The following PRKCA variants were observed in gnomAD, a reference collection of about 807,000 sequenced individuals.
The protein encoded by PRKCA is protein kinase C alpha.
In PRKCA, 27 loss-of-function variants were observed where a neutral mutation model predicts 87.0. The ratio of observed to expected loss-of-function variants is 0.31; its 90% CI spans 0.23 to 0.43. The LOEUF is 0.43. Ranked by LOEUF, PRKCA falls within the 20% of genes least tolerant of loss-of-function variation. The pLI is 1.00. For missense variants in PRKCA, 518 were observed against 852.3 expected (o/e 0.61, Z 4.88); for synonymous variants, 329 against 311.1 (o/e 1.06, Z -0.61).
chr17:66,499,915 A>C (rs228874), intron 3 of PRKCA, among the ~76,000 whole-genome samples: 54,197 of 152,054 alleles, frequency 0.36, 10,538 homozygotes, highest in Middle Eastern at 0.49. Context: ...AGTGTCAGAC[A>C]TCTCATGCCG....
intron 2 of PRKCA, among the ~76,000 whole-genome samples, chr17:66,437,731 T>TTTTTTTTTTTTTTGGG (rs55779501): frequency 3.6e-4 from 4 of 11,162 alleles, no homozygotes; most frequent in Non-Finnish European, 4.9e-4. Flanking sequence ...TTTTTTTTTT[T>TTTTTTTTTTTTTTGGG]GAGCGGGGGG....
In PRKCA at chr17:66,521,346, T is replaced by G. The variant is rs190499615; in HGVS notation, c.288+25063T>G. Among the ~76,000 whole-genome samples, 69 of 152,306 alleles carry G rather than the reference T, an allele frequency of 4.5e-4. No individual in the cohort carries two copies. The East Asian group carries it at 0.011, about 24-fold the overall frequency. ...TATAATGACCATAAAAGAGTTCTCA[T>G]TTTTATAGTTTTTAAACATGATTTC... is the stretch of plus-strand genomic sequence containing the variant. On this transcript the variant is annotated intron_variant, in intron 3 of 16. Transcript: ENST00000413366.
chr17:66,541,701 C>T (rs894765274), intron 3 of PRKCA, among the ~76,000 whole-genome samples: 6 of 152,160 alleles, frequency 3.9e-5, no homozygotes, highest in East Asian at 3.8e-4. Context: ...CTTTTTGAGG[C>T]GACAGGTTAT....
chr17:66,663,094 C>T (rs958790184), intron 5 of PRKCA, among the ~76,000 whole-genome samples: 4 of 152,224 alleles, frequency 2.6e-5, no homozygotes, highest in African/African-American at 9.6e-5. Context: ...AATTATGCCT[C>T]ATGCTCAGCC....
At chr17:66,604,877 T>G (rs1970163313) in intron 3 of PRKCA, among the ~76,000 whole-genome samples, 1 of 151,928 alleles carries the variant, frequency 6.6e-6, no homozygotes, top group African/African-American at 2.4e-5. Context: ...GGGGGTGCGT[T>G]GCCTGTGATA....
At chr17:66,639,854 G>T (rs1465198239) in intron 3 of PRKCA, among the ~76,000 whole-genome samples, 2 of 152,044 alleles carry the variant, frequency 1.3e-5, no homozygotes, top group Admixed American at 6.5e-5. Context: ...AAAAAATTAG[G>T]TGTGGTGGCA....
chr17:66,724,656 G>A (rs1973698685), intron 8 of PRKCA, among the ~76,000 whole-genome samples: 1 of 152,240 alleles, frequency 6.6e-6, no homozygotes, highest in South Asian at 2.1e-4. Flanking sequence ...CAGGCCCCCA[G>A]CAGGGCGTCT....
chr17:66,365,950 GTC>G (rs1035126700), intron 2 of PRKCA, among the ~76,000 whole-genome samples: 6 of 152,288 alleles, frequency 3.9e-5, no homozygotes, highest in African/African-American at 1.2e-4. Context: ...GGCAACTGTT[GTC>G]TCTCCTGAGT....
At chr17:66,411,854 G>GGGCT (rs1555600330) in intron 2 of PRKCA, among the ~76,000 whole-genome samples, 13 of 143,430 alleles carry the variant, frequency 9.1e-5, no homozygotes, top group Admixed American at 1.4e-4. Flanking sequence ...TCTGAGCAAT[G>GGGCT]GGCCGCCTAC....
chr17:66,711,702 C>T (rs533678904), intron 8 of PRKCA, among the ~76,000 whole-genome samples: 4 of 152,088 alleles, frequency 2.6e-5, no homozygotes, highest in African/African-American at 4.8e-5. Context: ...CTCAAATGCT[C>T]GGGTGGAGGA....
intron 2 of PRKCA, among the ~76,000 whole-genome samples, chr17:66,418,514 C>T: frequency 6.6e-6 from 1 of 151,588 alleles, no homozygotes; most frequent in East Asian, 1.9e-4. Flanking sequence ...CAGCTCACTG[C>T]AACCTCTGCC....
intron 3 of PRKCA, among the ~76,000 whole-genome samples, chr17:66,577,370 G>A (rs1157277592): frequency 6.6e-6 from 1 of 152,114 alleles, no homozygotes; most frequent in Non-Finnish European, 1.5e-5. Context: ...TGAGAGGTGC[G>A]AGCTCCCTTT....
intron 8 of PRKCA, among the ~76,000 whole-genome samples, chr17:66,708,919 ATTTTAGG>A (rs1973252496): frequency 6.6e-6 from 1 of 152,226 alleles, no homozygotes; most frequent in South Asian, 2.1e-4. Context: ...AAAATGGCCT[ATTTTAGG>A]AACAATCATA....
At chr17:66,326,461 A>T (rs1905987601) in intron 2 of PRKCA, among the ~76,000 whole-genome samples, 1 of 152,176 alleles carries the variant, frequency 6.6e-6, no homozygotes, top group Admixed American at 6.6e-5. Flanking sequence ...AGCCTGGCAA[A>T]TTTATAAGAT....
chr17:66,331,495 C>T (rs4479281), intron 2 of PRKCA, among the ~76,000 whole-genome samples: 147,326 of 152,270 alleles, frequency 0.97, 71,281 homozygotes, highest in East Asian at 1. Flanking sequence ...TACAGAGGTC[C>T]ACTTCTCCCT....
chr17:66,363,182 AC>A (rs755508010), intron 2 of PRKCA, among the ~76,000 whole-genome samples: 2 of 152,252 alleles, frequency 1.3e-5, no homozygotes, highest in African/African-American at 2.4e-5. Context: ...ATGAAAAGAC[AC>A]TGCAAAGATG....
chr17:66,413,469 C>G (rs1159660289), intron 2 of PRKCA, among the ~76,000 whole-genome samples: 1 of 152,148 alleles, frequency 6.6e-6, no homozygotes, highest in Non-Finnish European at 1.5e-5. Flanking sequence ...CCCGCAGCCT[C>G]TCTCCCTTCC....
At chr17:66,468,700 G>A (rs67894235) in intron 2 of PRKCA, among the ~76,000 whole-genome samples, 21,901 of 152,054 alleles carry the variant, frequency 0.14, 1,851 homozygotes, top group East Asian at 0.26. Context: ...ACAGGTAAAG[G>A]ACTTCTGAAG....
At chr17:66,368,397 T>A (rs1415431616) in intron 2 of PRKCA, among the ~76,000 whole-genome samples, 7 of 115,460 alleles carry the variant, frequency 6.1e-5, no homozygotes, top group South Asian at 3.1e-4. Context: ...TTTTTTTTTT[T>A]TTTTTTTTTT....
Sources: gnomAD v4.1 joint callset for allele counts (sites outside exome capture counted in the v4.1 genomes callset) on GRCh38, gnomAD v4.1.1 for gene constraint, MANE v1.5 for transcripts, NCBI Gene and HGNC (gene_info 2026-07-23, HGNC 2026-07-21) for gene names.